The following NBAS variants were observed in gnomAD, a reference collection of about 807,000 sequenced individuals.
NBAS encodes NBAS subunit of NRZ tethering complex.
Under a neutral mutation model 302.5 loss-of-function variants are expected in NBAS, and 219 were observed. The ratio of observed to expected loss-of-function variants is 0.72; its 90% CI spans 0.65 to 0.81. NBAS has a LOEUF of 0.81. Among genes scored for constraint, NBAS ranks in the 30% least tolerant of loss-of-function variants. The pLI, the probability that NBAS is intolerant of heterozygous loss-of-function variation, is 0.00. For synonymous variants in NBAS, 1,118 were observed against 1,021.6 expected, an observed-to-expected ratio of 1.09 and a Z score of -1.80; for missense variants, 2,932 against 2,841.6, an observed-to-expected ratio of 1.03 and a Z score of -0.72.
intron 51 of NBAS, chr2:15,178,067 T>C (rs980503455): frequency 2.5e-5 from 11 of 446,872 alleles, no homozygotes; most frequent in Non-Finnish European, 5.1e-5. Flanking sequence ...ATATCAGTGA[T>C]GTCTTTTCAT....
the NBAS span, among the ~76,000 whole-genome samples, chr2:14,936,819 C>T: frequency 6.6e-6 from 1 of 152,100 alleles, no homozygotes; most frequent in African/African-American, 2.4e-5. Context: ...GAATGGATTC[C>T]AGGGCACTGA....
At position 15,190,282 on chromosome 2, in the gene NBAS, G is replaced by A. The variant is rs1665286019; in HGVS notation, c.6554C>T (p.Pro2185Leu). Residue 2185 changes from proline (P) to leucine (L), a missense_variant, in exon 49 of 52, where the codon CCT (proline) becomes CTT (leucine). By Grantham distance (98) the Pro-to-Leu change is moderately conservative (BLOSUM62 -3). Coordinates refer to ENST00000281513, the MANE Select transcript of NBAS (RefSeq NM_015909.4). ...TACTTACACATATTCACTTTTCATA[G>A]GTGGCCAAGCTTGCAAAAGTAAAAC... ...HLVLLLQAWPPMKSEYVITNN... is the reference protein window; with the variant it reads ...HLVLLLQAWPLMKSEYVITNN... 3.7e-6 allele frequency: 6 copies of A among 1,613,724 alleles called. No individual in the cohort carries two copies. Among genetic ancestry groups the A allele is most frequent in the Non-Finnish European group, 5.1e-6 (6 of 1,179,880 alleles).
At chr2:15,514,461 T>G (rs1662292372) in intron 9 of NBAS, among the ~76,000 whole-genome samples, 1 of 152,174 alleles carries the variant, frequency 6.6e-6, no homozygotes, top group African/African-American at 2.4e-5. Flanking sequence ...CTTTAAAAAC[T>G]AGTAACCTAC....
chr2:15,195,237 C>T (rs1003898832), intron 48 of NBAS, among the ~76,000 whole-genome samples: 1 of 152,134 alleles, frequency 6.6e-6, no homozygotes, highest in Non-Finnish European at 1.5e-5. Flanking sequence ...GATTGGGTCA[C>T]GAGAGTGATG....
chr2:15,242,695 TC>T (rs1318153687), intron 44 of NBAS, among the ~76,000 whole-genome samples: 2 of 151,810 alleles, frequency 1.3e-5, no homozygotes, highest in African/African-American at 4.8e-5. Flanking sequence ...GTACCATTAT[TC>T]TTAACATTCT....
At chr2:14,986,447 C>T in the NBAS span, among the ~76,000 whole-genome samples, 13 of 152,164 alleles carry the variant, frequency 8.5e-5, no homozygotes, top group South Asian at 1.2e-3. Flanking sequence ...CTCCAGCTTA[C>T]GGTACACCTT....
chr2:15,013,392 C>A, the NBAS span, among the ~76,000 whole-genome samples: 1 of 152,134 alleles, frequency 6.6e-6, no homozygotes, highest in African/African-American at 2.4e-5. Context: ...AGAGAATATA[C>A]AAAATAATCA....
At chr2:15,047,931 T>G in the NBAS span, among the ~76,000 whole-genome samples, 2 of 152,246 alleles carry the variant, frequency 1.3e-5, no homozygotes, top group Non-Finnish European at 2.9e-5. Context: ...AAGTCTAAAT[T>G]AGAAAACGTT....
the NBAS span, among the ~76,000 whole-genome samples, chr2:14,887,399 CAAA>C: frequency 1.2e-5 from 1 of 84,636 alleles, no homozygotes. Context: ...TGAGACTCCT[CAAA>C]AAAAAAAAAA....
chr2:15,088,648 T>C, the NBAS span, among the ~76,000 whole-genome samples: 1 of 152,194 alleles, frequency 6.6e-6, no homozygotes, highest in Non-Finnish European at 1.5e-5. Context: ...ATTTCCTCTG[T>C]AGGCTTTCCC....
intron 42 of NBAS, among the ~76,000 whole-genome samples, chr2:15,282,365 C>T (rs1050172774): frequency 6.6e-6 from 1 of 152,154 alleles, no homozygotes; most frequent in Non-Finnish European, 1.5e-5. Flanking sequence ...ACAATAGTAA[C>T]CTTCAGGCAG....
intron 23 of NBAS, among the ~76,000 whole-genome samples, chr2:15,421,205 A>G (rs1444545135): frequency 2.0e-5 from 3 of 151,976 alleles, no homozygotes; most frequent in Non-Finnish European, 4.4e-5. Flanking sequence ...AGCTTGATGC[A>G]TAGAGCACAG....
intron 9 of NBAS, among the ~76,000 whole-genome samples, chr2:15,522,602 G>A (rs947516047): frequency 6.6e-6 from 1 of 152,156 alleles, no homozygotes; most frequent in East Asian, 1.9e-4. Flanking sequence ...GTCTGGATAA[G>A]GCTGCCTATA....
chr2:15,149,731 G>C, the NBAS span, among the ~76,000 whole-genome samples: 4 of 152,130 alleles, frequency 2.6e-5, no homozygotes, highest in African/African-American at 9.7e-5. Context: ...TATAGTGCTG[G>C]AATGACAGGT....
chr2:15,118,103 CCTG>C, the NBAS span, among the ~76,000 whole-genome samples: 9 of 152,220 alleles, frequency 5.9e-5, no homozygotes, highest in Non-Finnish European at 1.3e-4. Context: ...TCACTGCCCT[CCTG>C]CTCTCCAGCT....
chr2:15,173,357 G>GA (rs2125106031), intron 51 of NBAS, among the ~76,000 whole-genome samples: 1 of 152,176 alleles, frequency 6.6e-6, no homozygotes, highest in East Asian at 1.9e-4. Context: ...CAATAATGAG[G>GA]AAAGCTGAAA....
chr2:15,248,865 C>T (rs1005093767), intron 44 of NBAS, among the ~76,000 whole-genome samples: 10 of 152,066 alleles, frequency 6.6e-5, no homozygotes, highest in East Asian at 1.9e-4. Flanking sequence ...GACTCAGAGC[C>T]GAAATCTACC....
chr2:15,020,460 T>G, the NBAS span, among the ~76,000 whole-genome samples: 4 of 152,080 alleles, frequency 2.6e-5, no homozygotes, highest in African/African-American at 9.7e-5. Context: ...GATGGATGTG[T>G]GAAGGCTGAA....
the NBAS span, among the ~76,000 whole-genome samples, chr2:14,812,888 G>A: frequency 6.6e-6 from 1 of 152,122 alleles, no homozygotes; most frequent in African/African-American, 2.4e-5. Flanking sequence ...GATCATGGGG[G>A]TGGTTTCCTA....
Sources: gnomAD v4.1 joint callset for allele counts (sites outside exome capture counted in the v4.1 genomes callset) on GRCh38, gnomAD v4.1.1 for gene constraint, MANE v1.5 for transcripts, NCBI Gene and HGNC (gene_info 2026-07-23, HGNC 2026-07-21) for gene names.